The following EPB41L4B variants were observed in gnomAD, a reference collection of about 807,000 sequenced individuals.
EPB41L4B encodes the protein erythrocyte membrane protein band 4.1 like 4B.
EPB41L4B carries 30 observed loss-of-function variants against 112.5 expected under a neutral mutation model. The ratio of observed to expected loss-of-function variants is 0.27; its 90% CI spans 0.20 to 0.36. The LOEUF (loss-of-function observed/expected upper bound fraction) is 0.36, where lower values mean the gene tolerates loss of function less well. Ranked by LOEUF, EPB41L4B falls within the 10% of genes least tolerant of loss-of-function variation. The pLI is 1.00. For synonymous variants in EPB41L4B, 408 were observed against 439.7 expected (o/e 0.93, Z 0.90); for missense variants, 1,024 against 1,133.3 (o/e 0.90, Z 1.38).
At chr9:109,265,075 C>T in intron 4 of EPB41L4B, 51 bp from the exon 5 acceptor site, 1 of 1,513,894 alleles carries the variant, frequency 6.6e-7, no homozygotes, top group Non-Finnish European at 9.0e-7. Context: ...CCCAGCTGCT[C>T]CCAATCCCCA....
At chr9:109,196,432 C>CTT (rs1311574246) in intron 20 of EPB41L4B, 6 of 152,148 alleles carry the variant, frequency 3.9e-5, no homozygotes, top group Non-Finnish European at 5.9e-5. Flanking sequence ...AAAAATGACA[C>CTT]TTTTGGCTGG....
chr9:109,259,802 G>A (rs528840545), intron 6 of EPB41L4B, among the ~76,000 whole-genome samples: 1 of 152,266 alleles, frequency 6.6e-6, no homozygotes, highest in African/African-American at 2.4e-5. Context: ...CCTCCCTGCA[G>A]GGCCACTGTA....
rs138169041 is a variant in EPB41L4B, at chr9:109,253,119, T to C, written c.1279+322A>G. Among the ~76,000 whole-genome samples the C allele has an allele frequency of 3.9e-3, 589 of 152,296 alleles. 6 individuals carry two copies. The highest frequency in any genetic ancestry group is 0.013 in the African/African-American group (558 of 41,548). On this transcript the variant is annotated intron_variant, in intron 12 of 25. Coordinates refer to ENST00000374566, the MANE Select transcript of EPB41L4B (RefSeq NM_019114.5). ...GATGATGGAGATACAGTATCTTCTA[T>C]AGGCAAGAAAGGTGTTTCCCTGTGA... is the stretch of plus-strand genomic sequence containing the variant.
chr9:109,199,745 T>G (rs954310675), intron 20 of EPB41L4B, among the ~76,000 whole-genome samples: 6 of 152,220 alleles, frequency 3.9e-5, no homozygotes, highest in Non-Finnish European at 7.3e-5. Flanking sequence ...TGTCACTCTC[T>G]CTGGCTCTTC....
chr9:109,300,511 C>T (rs529948043), intron 1 of EPB41L4B: 10 of 152,256 alleles, frequency 6.6e-5, no homozygotes, highest in Non-Finnish European at 1.0e-4. Flanking sequence ...ACAGGCCAGG[C>T]ATGGTGGCTC....
chr9:109,251,383 C>T (rs576843369), intron 13 of EPB41L4B, 98 bp downstream of exon 13: 5 of 1,189,466 alleles, frequency 4.2e-6, no homozygotes, highest in African/African-American at 1.5e-5. Context: ...CCAGATGACA[C>T]ACTTCCTGAT....
chr9:109,205,675 C>A (rs1350800006), intron 18 of EPB41L4B, among the ~76,000 whole-genome samples: 1 of 152,202 alleles, frequency 6.6e-6, no homozygotes, highest in Non-Finnish European at 1.5e-5. Flanking sequence ...GTGCCCCCAG[C>A]AATTTCATCA....
At chr9:109,224,034 TA>T (rs1300797075) in intron 15 of EPB41L4B, among the ~76,000 whole-genome samples, 1 of 148,276 alleles carries the variant, frequency 6.7e-6, no homozygotes, top group Non-Finnish European at 1.5e-5. Flanking sequence ...TAAAATAAAA[TA>T]AAAATAAAAT....
intron 15 of EPB41L4B, among the ~76,000 whole-genome samples, chr9:109,235,276 T>C (rs187037334): frequency 1.3e-5 from 2 of 152,158 alleles, no homozygotes; most frequent in Non-Finnish European, 2.9e-5. Flanking sequence ...ATATATGTGT[T>C]AATGCTCTTA....
chr9:109,274,434 C>T (rs535069955), intron 2 of EPB41L4B, among the ~76,000 whole-genome samples: 5 of 152,338 alleles, frequency 3.3e-5, no homozygotes, highest in Admixed American at 2.6e-4. Flanking sequence ...AATACGTAGA[C>T]AGTCTCTCCT....
intron 2 of EPB41L4B, among the ~76,000 whole-genome samples, chr9:109,273,488 C>A (rs1235412706): frequency 6.6e-6 from 1 of 152,172 alleles, no homozygotes; most frequent in Non-Finnish European, 1.5e-5. Flanking sequence ...CTCAGGTGAT[C>A]CACCTGCCTT....
At chr9:109,286,750 A>C (rs935604263) in intron 1 of EPB41L4B, among the ~76,000 whole-genome samples, 12 of 152,224 alleles carry the variant, frequency 7.9e-5, no homozygotes, top group Admixed American at 6.5e-5. Context: ...TGAGGGGCCA[A>C]GTCATCCAAA....
chr9:109,230,597 G>C (rs1833921474), intron 15 of EPB41L4B, among the ~76,000 whole-genome samples: 1 of 152,174 alleles, frequency 6.6e-6, no homozygotes, highest in South Asian at 2.1e-4. Flanking sequence ...ATTTGGTAGA[G>C]ACTAAACAGA....
intron 16 of EPB41L4B, among the ~76,000 whole-genome samples, chr9:109,216,559 C>T (rs1236295116): frequency 1.3e-5 from 2 of 150,494 alleles, no homozygotes; most frequent in African/African-American, 4.9e-5. Context: ...GAGAATTGCT[C>T]GGACCTGGGA....
chr9:109,174,913 T>G (rs1831758346), intron 25 of EPB41L4B, among the ~76,000 whole-genome samples: 1 of 9,476 alleles, frequency 1.1e-4, no homozygotes, highest in South Asian at 1.4e-3. Context: ...CAGTAAAGTG[T>G]TTTTTTTTTT....
intron 1 of EPB41L4B, among the ~76,000 whole-genome samples, chr9:109,288,722 CAAAAAAAAAAAA>C (rs386415824): frequency 6.1e-4 from 14 of 23,036 alleles, no homozygotes; most frequent in Admixed American, 1.8e-3. Context: ...GACTCCGTCT[CAAAAAAAAAAAA>C]AAAAAAAAAA....
intron 1 of EPB41L4B, among the ~76,000 whole-genome samples, chr9:109,295,403 C>A (rs1172938729): frequency 1.3e-5 from 2 of 152,150 alleles, no homozygotes; most frequent in Non-Finnish European, 2.9e-5. Flanking sequence ...CACAACCCAG[C>A]AGAATAAGAA....
chr9:109,231,623 G>A (rs1049930456), intron 15 of EPB41L4B, among the ~76,000 whole-genome samples: 2 of 152,202 alleles, frequency 1.3e-5, no homozygotes, highest in African/African-American at 4.8e-5. Context: ...TAGTTCCTGG[G>A]TCTGAGTCCT....
At chr9:109,288,532 A>G (rs913819049) in intron 1 of EPB41L4B, among the ~76,000 whole-genome samples, 1 of 151,894 alleles carries the variant, frequency 6.6e-6, no homozygotes, top group East Asian at 1.9e-4. Flanking sequence ...CATCCTGGCT[A>G]ACACGGTGAA....
Sources: gnomAD v4.1 joint callset for allele counts (sites outside exome capture counted in the v4.1 genomes callset) on GRCh38, gnomAD v4.1.1 for gene constraint, MANE v1.5 for transcripts, NCBI Gene and HGNC (gene_info 2026-07-23, HGNC 2026-07-21) for gene names.